Variants in ENOX1 observed in about 807,000 individuals in gnomAD.
The protein encoded by ENOX1 is candidate growth-related and time keeping constitutive hydroquinone (NADH) oxidase.
Under a neutral mutation model 82.5 loss-of-function variants are expected in ENOX1, and 42 were observed. That is an observed-to-expected ratio of 0.51 (90% CI 0.40 to 0.66). ENOX1 has a LOEUF of 0.66. ENOX1 is among the 30% of genes least tolerant of loss of function. The pLI is 0.00. For synonymous variants in ENOX1, 271 were observed against 282.2 expected (o/e 0.96, Z 0.40); for missense variants, 608 against 811.6 (o/e 0.75, Z 3.05).
At chr13:43,236,471 GTA>G (rs2042556079) in intron 15 of ENOX1, among the ~76,000 whole-genome samples, 163 bp downstream of exon 15, 1 of 152,192 alleles carries the variant, frequency 6.6e-6, no homozygotes, top group South Asian at 2.1e-4. Context: ...CCATTAGTTT[GTA>G]TGCCACTAAT....
At chr13:43,700,081 T>C (rs1164292378) in intron 1 of ENOX1, among the ~76,000 whole-genome samples, 1 of 152,202 alleles carries the variant, frequency 6.6e-6, no homozygotes, top group African/African-American at 2.4e-5. Flanking sequence ...AACAATTGTT[T>C]GTTTTTAAAA....
chr13:43,615,882 G>T (rs994193340), intron 2 of ENOX1, among the ~76,000 whole-genome samples: 1 of 151,614 alleles, frequency 6.6e-6, no homozygotes, highest in Non-Finnish European at 1.5e-5. Context: ...TGAGAATGAT[G>T]GTTTCCAGCT....
At chr13:43,354,705 G>A (rs986186435) in intron 8 of ENOX1, among the ~76,000 whole-genome samples, 1 of 152,118 alleles carries the variant, frequency 6.6e-6, no homozygotes, top group African/African-American at 2.4e-5. Context: ...TCCAGCAATA[G>A]CCTTCAGGGC....
At chr13:43,335,134 C>T (rs1429185750) in intron 9 of ENOX1, among the ~76,000 whole-genome samples, 1 of 152,184 alleles carries the variant, frequency 6.6e-6, no homozygotes, top group Non-Finnish European at 1.5e-5. Context: ...GAACAGATAG[C>T]AATTATTTTT....
Position 43,435,683 on chromosome 13 carries a change from T to C in ENOX1, c.-74-22695A>G, listed in dbSNP as rs767367299. On this transcript the variant is annotated intron_variant, in intron 3 of 16. Transcript: ENST00000690772. The stretch of plus-strand genomic sequence containing the variant: ...GTGTTTTGAAAGCTTTTGCCACTTA[T>C]GCTTTTTTAAATATAATGGTTCAGA... Among the ~76,000 whole-genome samples the C allele has an allele frequency of 3.8e-4, 58 of 152,238 alleles. 1 individual carries two copies. The highest frequency in any genetic ancestry group is 1.6e-4 in the Non-Finnish European group (11 of 68,032).
chr13:43,309,019 A>C lies in ENOX1; in HGVS notation c.1262-10489T>G, dbSNP rs1304996922. Reference sequence around the variant, plus strand: ...AGGGCCCTCTGACCTCATCTGCTCAAAGTTACTTTTTTTTTTTTTTTTTTT... The same window carrying C: ...AGGGCCCTCTGACCTCATCTGCTCACAGTTACTTTTTTTTTTTTTTTTTTT... On this transcript the variant is annotated intron_variant, in intron 11 of 16. Coordinates refer to ENST00000690772, the MANE Select transcript of ENOX1 (RefSeq NM_001347969.2). 2.4e-5 allele frequency among the ~76,000 whole-genome samples: 3 copies of C among 123,360 alleles called. No individual in the cohort carries two copies. The East Asian group carries it at 7.0e-4, about 29-fold the overall frequency. 80.9% of individuals were successfully genotyped at this position (123,360 alleles called of 152,430 possible).
At chr13:43,320,901 G>A (rs2047770107) in intron 11 of ENOX1, among the ~76,000 whole-genome samples, 1 of 152,176 alleles carries the variant, frequency 6.6e-6, no homozygotes, top group East Asian at 1.9e-4. Context: ...GCTATGTGAA[G>A]GTTTGTAGAA....
chr13:43,696,506 T>C (rs1566786773), intron 1 of ENOX1, among the ~76,000 whole-genome samples: 2 of 152,178 alleles, frequency 1.3e-5, no homozygotes, highest in Non-Finnish European at 1.5e-5. Context: ...TTACACATAG[T>C]GGACAATTTT....
chr13:43,581,548 C>T (rs1460489262), intron 2 of ENOX1, among the ~76,000 whole-genome samples: 2 of 152,172 alleles, frequency 1.3e-5, no homozygotes, highest in Non-Finnish European at 1.5e-5. Context: ...TTCTAAAAAG[C>T]TTAAGTCTTA....
chr13:43,695,762 A>G (rs1346749298), intron 1 of ENOX1, among the ~76,000 whole-genome samples: 2 of 151,862 alleles, frequency 1.3e-5, no homozygotes, highest in Non-Finnish European at 2.9e-5. Context: ...TTTTTTCTTC[A>G]CTTTTTACAA....
intron 15 of ENOX1, among the ~76,000 whole-genome samples, chr13:43,229,723 G>A (rs1023629946): frequency 1.3e-5 from 2 of 152,166 alleles, no homozygotes; most frequent in Non-Finnish European, 2.9e-5. Context: ...TCATGATCTG[G>A]ACTGCAAAGG....
chr13:43,300,472 T>C, intron 11 of ENOX1, among the ~76,000 whole-genome samples: 1 of 152,070 alleles, frequency 6.6e-6, no homozygotes, highest in East Asian at 1.9e-4. Flanking sequence ...AAAGAGGGCT[T>C]TGGAAGATGA....
At chr13:43,300,717 G>C (rs1360601081) in intron 11 of ENOX1, among the ~76,000 whole-genome samples, 1 of 152,216 alleles carries the variant, frequency 6.6e-6, no homozygotes, top group Non-Finnish European at 1.5e-5. Context: ...ACAGCGCTTG[G>C]AGTAGTGGAA....
intron 2 of ENOX1, among the ~76,000 whole-genome samples, chr13:43,552,359 AAAAAG>A (rs1229690211): frequency 6.6e-6 from 1 of 151,784 alleles, no homozygotes; most frequent in Non-Finnish European, 1.5e-5. Flanking sequence ...AAAAAAAAAA[AAAAAG>A]AAAACAATGC....
intron 1 of ENOX1, among the ~76,000 whole-genome samples, chr13:43,762,756 T>C (rs574243564): frequency 1.2e-4 from 18 of 152,340 alleles, no homozygotes; most frequent in African/African-American, 3.8e-4. Context: ...AAACAATGCT[T>C]AGTCTACCTA....
chr13:43,642,195 G>T (rs573685831), intron 2 of ENOX1, among the ~76,000 whole-genome samples: 1 of 152,218 alleles, frequency 6.6e-6, no homozygotes, highest in South Asian at 2.1e-4. Context: ...TCTTTAAAAA[G>T]GGATAATAAC....
chr13:43,505,428 A>G (rs1406073882), intron 2 of ENOX1, among the ~76,000 whole-genome samples: 2 of 152,000 alleles, frequency 1.3e-5, no homozygotes, highest in Non-Finnish European at 2.9e-5. Context: ...ATATCAGGCT[A>G]TAATCTCTGA....
chr13:43,360,702 T>C (rs2050445038), intron 6 of ENOX1, among the ~76,000 whole-genome samples: 1 of 97,266 alleles, frequency 1.0e-5, no homozygotes, highest in Admixed American at 1.1e-4. Flanking sequence ...CACTGATTAA[T>C]ATGAATGACA....
At chr13:43,707,448 G>A (rs1254436349) in intron 1 of ENOX1, among the ~76,000 whole-genome samples, 1 of 152,066 alleles carries the variant, frequency 6.6e-6, no homozygotes, top group African/African-American at 2.4e-5. Context: ...AAAACAATAA[G>A]AACAGGGTGG....
Sources: allele counts gnomAD v4.1 joint callset (sites outside exome capture counted in the v4.1 genomes callset), GRCh38; gene constraint gnomAD v4.1.1; transcripts MANE v1.5; gene names NCBI Gene and HGNC (gene_info 2026-07-23, HGNC 2026-07-21).